HHAT: variants seen among roughly 807,000 people sequenced by gnomAD.
HHAT encodes the protein hedgehog acyltransferase, also known as protein-cysteine N-palmitoyltransferase HHAT.
In HHAT, 47 loss-of-function variants were observed where a neutral mutation model predicts 70.8. The ratio of observed to expected loss-of-function variants is 0.66; its 90% CI spans 0.53 to 0.85. The LOEUF is 0.85. Among genes scored for constraint, HHAT ranks in the 40% least tolerant of loss-of-function variants. HHAT has a pLI of 0.00. For synonymous variants in HHAT, 228 were observed against 247.6 expected (o/e 0.92, Z 0.74); for missense variants, 609 against 604.8 (o/e 1.01, Z -0.07).
At chr1:210,496,931 G>A (rs974576468) in intron 8 of HHAT, among the ~76,000 whole-genome samples, 7 of 152,180 alleles carry the variant, frequency 4.6e-5, no homozygotes, top group Non-Finnish European at 8.8e-5. Context: ...CATCTGCCAA[G>A]TATATCTGCT....
intron 9 of HHAT, among the ~76,000 whole-genome samples, chr1:210,519,856 T>C (rs1362903285): frequency 2.1e-5 from 3 of 145,526 alleles, no homozygotes; most frequent in Admixed American, 6.9e-5. Flanking sequence ...TTTTTGGTAA[T>C]AGCTATTCCA....
chr1:210,443,389 T>A (rs955610987), intron 7 of HHAT, among the ~76,000 whole-genome samples: 1 of 149,770 alleles, frequency 6.7e-6, no homozygotes, highest in African/African-American at 2.5e-5. Context: ...AGGAAAGTCA[T>A]TGGTAGCTTG....
chr1:210,605,897 C>A (rs1046598368), intron 10 of HHAT, among the ~76,000 whole-genome samples: 3 of 151,716 alleles, frequency 2.0e-5, no homozygotes, highest in African/African-American at 4.8e-5. Flanking sequence ...GCTCTTGTTG[C>A]CCAGGCTGGA....
intron 7 of HHAT, chr1:210,462,539 A>G (rs975764272): frequency 2.0e-5 from 3 of 152,084 alleles, no homozygotes; most frequent in African/African-American, 7.2e-5. Context: ...CACAAATCAG[A>G]TTTTTTCCTG....
intron 2 of HHAT, among the ~76,000 whole-genome samples, chr1:210,349,776 G>A (rs1461315831): frequency 1.3e-5 from 2 of 151,178 alleles, no homozygotes; most frequent in East Asian, 3.9e-4. Context: ...TCAGCCTCCT[G>A]AGTAGCTGAG....
At chr1:210,461,471 TG>T (rs1369655294) in intron 7 of HHAT, among the ~76,000 whole-genome samples, 1 of 152,120 alleles carries the variant, frequency 6.6e-6, no homozygotes, top group Non-Finnish European at 1.5e-5. Flanking sequence ...ACAAATTTTT[TG>T]TGTTTACTTA....
chr1:210,503,474 A>T (rs1254800905), intron 8 of HHAT, among the ~76,000 whole-genome samples: 1 of 152,162 alleles, frequency 6.6e-6, no homozygotes, highest in African/African-American at 2.4e-5. Context: ...ACTTTGCTTT[A>T]TACTCTTGAA....
At chr1:210,515,730 C>T (rs2095043451) in intron 9 of HHAT, among the ~76,000 whole-genome samples, 1 of 140,098 alleles carries the variant, frequency 7.1e-6, no homozygotes, top group African/African-American at 2.6e-5. Flanking sequence ...TGCACTCCAG[C>T]CTGGGCGATA....
intron 11 of HHAT, among the ~76,000 whole-genome samples, chr1:210,630,174 A>T (rs1255268817): frequency 6.6e-6 from 1 of 152,030 alleles, no homozygotes; most frequent in African/African-American, 2.4e-5. Context: ...GACCTTTGTG[A>T]TTCCACTGGG....
At chr1:210,435,796 A>AT (rs1261370837) in intron 7 of HHAT, among the ~76,000 whole-genome samples, 1 of 151,682 alleles carries the variant, frequency 6.6e-6, no homozygotes, top group Non-Finnish European at 1.5e-5. Flanking sequence ...TCTTTTGTCC[A>AT]TTTTTAAATG....
At chr1:210,642,692 T>A (rs2148915430) in intron 11 of HHAT, among the ~76,000 whole-genome samples, 1 of 152,304 alleles carries the variant, frequency 6.6e-6, no homozygotes, top group African/African-American at 2.4e-5. Flanking sequence ...TAAAAATAAT[T>A]GAGTTGATTG....
chr1:210,453,281 T>C (rs1190968328), intron 7 of HHAT, among the ~76,000 whole-genome samples: 1 of 152,222 alleles, frequency 6.6e-6, no homozygotes, highest in East Asian at 1.9e-4. Flanking sequence ...TAAATTTTCT[T>C]CTTGGATTAG....
At chr1:210,366,336 A>T (rs969488578) in intron 3 of HHAT, among the ~76,000 whole-genome samples, 3 of 152,176 alleles carry the variant, frequency 2.0e-5, no homozygotes, top group African/African-American at 7.2e-5. Flanking sequence ...AAGCCTTAAC[A>T]ATTTTAAAAA....
intron 11 of HHAT, among the ~76,000 whole-genome samples, chr1:210,668,293 C>A (rs908672082): frequency 1.3e-5 from 2 of 152,156 alleles, no homozygotes; most frequent in South Asian, 2.1e-4. Flanking sequence ...TCTTCTAGTT[C>A]CTGCTTCATT....
chr1:210,429,743 A>G (rs1268438723), intron 7 of HHAT, among the ~76,000 whole-genome samples: 1 of 151,810 alleles, frequency 6.6e-6, no homozygotes, highest in African/African-American at 2.4e-5. Flanking sequence ...TCTCCCTTGT[A>G]AAGGTACATT....
At chr1:210,503,136 T>C (rs778622092) in intron 8 of HHAT, among the ~76,000 whole-genome samples, 5 of 152,172 alleles carry the variant, frequency 3.3e-5, no homozygotes, top group African/African-American at 1.2e-4. Context: ...ATTTTTGTAT[T>C]TTTGGTAGAG....
At chr1:210,368,969 T>C (rs775460918) in intron 3 of HHAT, among the ~76,000 whole-genome samples, 1 of 151,786 alleles carries the variant, frequency 6.6e-6, no homozygotes, top group Non-Finnish European at 1.5e-5. Context: ...TCCCAACTAC[T>C]TGGGAGGCTG....
At chr1:210,407,374 T>C (rs1028602151) in intron 6 of HHAT, among the ~76,000 whole-genome samples, 1 of 152,296 alleles carries the variant, frequency 6.6e-6, no homozygotes, top group African/African-American at 2.4e-5. Context: ...AAAAATAACG[T>C]AGAGCAGGAG....
At chr1:210,374,215 G>T (rs553606408) in intron 3 of HHAT, 19 of 152,050 alleles carry the variant, frequency 1.2e-4, no homozygotes, top group Non-Finnish European at 2.5e-4. Context: ...TCTCTCCACG[G>T]AAATCTTTAG....
Sources: allele counts gnomAD v4.1 joint callset (sites outside exome capture counted in the v4.1 genomes callset), GRCh38; gene constraint gnomAD v4.1.1; transcripts MANE v1.5; gene names NCBI Gene and HGNC (gene_info 2026-07-23, HGNC 2026-07-21).